The following IWS1 variants were observed in gnomAD, a reference collection of about 807,000 sequenced individuals.
IWS1 encodes protein IWS1 homolog.
In IWS1, 27 loss-of-function variants were observed where a neutral mutation model predicts 86.7. The observed-to-expected ratio is 0.31, with a 90% confidence interval of 0.23 to 0.43. The LOEUF is 0.43. Ranked by LOEUF, IWS1 falls within the 20% of genes least tolerant of loss-of-function variation. The pLI is 1.00. For missense variants in IWS1, 827 were observed against 1,000.8 expected, an observed-to-expected ratio of 0.83 and a Z score of 2.34; for synonymous variants, 313 against 335.1, an observed-to-expected ratio of 0.93 and a Z score of 0.72.
intron 9 of IWS1, chr2:127,493,002 G>A (rs538872478): frequency 4.1e-5 from 9 of 220,844 alleles, no homozygotes; most frequent in Admixed American, 5.8e-5. Context: ...TTCATTCTGC[G>A]TCACATTTCT....
chr2:127,492,456 G>T lies in IWS1; in HGVS notation c.1930-368C>A, dbSNP rs10172273. Among the ~76,000 whole-genome samples the T allele has an allele frequency of 6.2e-3, 947 of 152,154 alleles. 7 individuals are homozygous for T. Among genetic ancestry groups the T allele is most frequent in the African/African-American group, 0.021 (881 of 41,516 alleles). On this transcript the variant is annotated intron_variant, in intron 9 of 13. Transcript: ENST00000295321. Reference sequence around the variant, plus strand: ...AGCTACTCGGGAGGCTGAGGCAGGAGAATCGCTTGAACCTAGGAAGCGGAG... The same window carrying T: ...AGCTACTCGGGAGGCTGAGGCAGGATAATCGCTTGAACCTAGGAAGCGGAG...
intron 13 of IWS1, among the ~76,000 whole-genome samples, chr2:127,483,461 A>T (rs1269917038): frequency 2.0e-5 from 3 of 146,616 alleles, no homozygotes; most frequent in African/African-American, 8.0e-5. Context: ...GAAAATACAT[A>T]ATAAAAAAAA....
intron 5 of IWS1, chr2:127,501,889 A>G (rs1276786588): frequency 6.6e-6 from 1 of 152,136 alleles, no homozygotes; most frequent in Non-Finnish European, 1.5e-5. Flanking sequence ...CTGTATTTTT[A>G]TAGTTCTAAA....
chr2:127,487,582 G>A (rs1180169132), intron 12 of IWS1, among the ~76,000 whole-genome samples: 1 of 152,050 alleles, frequency 6.6e-6, no homozygotes, highest in African/African-American at 2.4e-5. Context: ...CTTGAATCTC[G>A]CTCTGTTGCC....
rs558266276 is a variant in IWS1 at position 127,522,620 on chromosome 2, A to G, written c.150+1056T>C. On this transcript the variant is annotated intron_variant, in intron 2 of 13. Transcript: ENST00000295321. ...AAAGGACAGAGTCAATATAATCTCT[A>G]ATCACACCTACTAAAAATTGGACAA... Among the ~76,000 whole-genome samples, 3 of 152,354 alleles carry G rather than the reference A, an allele frequency of 2.0e-5. No homozygotes were observed. The East Asian group carries it at 5.8e-4, about 29-fold the overall frequency.
chr2:127,523,764 TCCTGTA>T lies in IWS1; in HGVS notation c.56_61del (p.Val19_Gln20del). 6.2e-7 allele frequency: 1 copy of T among 1,613,732 alleles called. No individual in the cohort carries two copies. Among genetic ancestry groups the T allele is most frequent in the Non-Finnish European group, 8.5e-7 (1 of 1,179,872 alleles). ...ACCGTCTGACCCTGAATCCCGTTCA[TCCTGTA>T]CTGGGGTAGCACCACCATCATCTGA... is the stretch of plus-strand genomic sequence containing the variant. On this transcript the variant is annotated inframe_deletion, in exon 2 of 14. Transcript: ENST00000295321.
At position 127,481,451 on chromosome 2, in the gene IWS1, GA is replaced by G. The variant is rs751800764; in HGVS notation, c.2329-277del. On this transcript the variant is annotated intron_variant, in intron 13 of 13. Transcript: ENST00000295321. ...CTCCTAGATGGGAGAAAGGGGGGGG[GA>G]AACTGAGACTATGATCCTCCCAATT... 5.9e-5 allele frequency among the ~76,000 whole-genome samples: 9 copies of G among 151,926 alleles called. No homozygotes were observed. In the East Asian group the frequency reaches 9.7e-4, roughly 16 times the overall value.
Position 127,489,142 on chromosome 2 carries a change from T to C in IWS1, c.2216+37A>G, listed in dbSNP as rs1690083597. ...TAAAGCAGCAAACGGAAATTCTCTA[T>C]ATAGTCTAGGAAGAAAAATTAACAT... On this transcript the variant is annotated intron_variant, in intron 12 of 13. Transcript: ENST00000295321. This position sits in a 1 kb window ranked among gnomAD's most constrained non-coding sequence, Gnocchi z 4.8. 2.1e-6 allele frequency: 3 copies of C among 1,460,584 alleles called. No homozygotes were observed. Among genetic ancestry groups the C allele is most frequent in the South Asian group, 1.2e-5 (1 of 84,264 alleles). 90.5% of individuals were successfully genotyped at this position (1,460,584 alleles called of 1,614,324 possible).
chr2:127,494,995 CTTT>C, intron 7 of IWS1, 41 bp from the exon 8 acceptor site: 1 of 1,233,710 alleles, frequency 8.1e-7, no homozygotes, highest in Non-Finnish European at 1.2e-6. Context: ...TAAAACAGTA[CTTT>C]TTATTAATAT....
chr2:127,482,921 G>A (rs1689708499), intron 13 of IWS1: 1 of 151,968 alleles, frequency 6.6e-6, no homozygotes, highest in Admixed American at 6.5e-5. Context: ...ACAACTGTGT[G>A]AAGACACAAT....
upstream of IWS1, chr2:127,526,592 A>G (rs893846957): frequency 7.3e-7 from 1 of 1,372,046 alleles, no homozygotes; most frequent in African/African-American, 1.5e-5. Flanking sequence ...CGGAAAGGAG[A>G]CTCCTGGGAA....
chr2:127,481,208 A>C, intron 13 of IWS1, 33 bp from the exon 14 acceptor site: 1 of 1,574,212 alleles, frequency 6.4e-7, no homozygotes, highest in Non-Finnish European at 8.6e-7. Context: ...AGAGCAAACT[A>C]CTGAAATACG....
intron 2 of IWS1, among the ~76,000 whole-genome samples, chr2:127,518,723 G>T (rs958132341): frequency 6.6e-6 from 1 of 151,832 alleles, no homozygotes; most frequent in South Asian, 2.1e-4. Flanking sequence ...CTGTCACCAC[G>T]CCTGGCTAAT....
intron 7 of IWS1, 121 bp from the exon 8 acceptor site, chr2:127,495,075 A>C (rs1248487746): frequency 3.2e-6 from 2 of 616,980 alleles, no homozygotes; most frequent in Non-Finnish European, 2.7e-6. Context: ...CCTACAAGAA[A>C]GAATAATTTA....
intron 2 of IWS1, chr2:127,506,791 GAAATAATTACTCTGA>G (rs1691173441): frequency 6.0e-6 from 1 of 167,428 alleles, no homozygotes; most frequent in South Asian, 2.1e-4. Flanking sequence ...AATGTTACTT[GAAATAATTACTCTGA>G]AAACATGCCC....
chr2:127,522,292 T>A (rs1692141921), intron 2 of IWS1, among the ~76,000 whole-genome samples: 1 of 152,214 alleles, frequency 6.6e-6, no homozygotes, highest in Non-Finnish European at 1.5e-5. Flanking sequence ...ACACCTTGGT[T>A]CAAATGTCAC....
intron 4 of IWS1, 147 bp from the exon 5 acceptor site, chr2:127,503,019 T>C (rs1002514383): frequency 1.5e-5 from 9 of 586,550 alleles, no homozygotes; most frequent in African/African-American, 1.5e-4. Flanking sequence ...TATACACTCA[T>C]GTAACCAGCA....
chr2:127,509,093 A>G (rs1387356224), intron 2 of IWS1, among the ~76,000 whole-genome samples: 2 of 152,234 alleles, frequency 1.3e-5, no homozygotes, highest in Admixed American at 6.5e-5. Flanking sequence ...TCACTACAGT[A>G]AAGAAGTACT....
At chr2:127,501,095 G>A (rs528795918) in intron 5 of IWS1, among the ~76,000 whole-genome samples, 55 of 152,098 alleles carry the variant, frequency 3.6e-4, no homozygotes, top group African/African-American at 1.2e-3. Flanking sequence ...ACATACTTTT[G>A]TTGCTCTTTT....
Sources: allele counts gnomAD v4.1 joint callset (sites outside exome capture counted in the v4.1 genomes callset), GRCh38; gene constraint gnomAD v4.1.1; non-coding constraint Gnocchi (gnomAD v3.1); transcripts MANE v1.5; gene names NCBI Gene and HGNC (gene_info 2026-07-23, HGNC 2026-07-21).